ZNF827: variants seen among roughly 807,000 people sequenced by gnomAD.
ZNF827 encodes zinc finger protein 827.
Under a neutral mutation model 102.4 loss-of-function variants are expected in ZNF827, and 13 were observed. That is an observed-to-expected ratio of 0.13 (90% CI 0.08 to 0.20). The LOEUF is 0.20. Ranked by LOEUF, ZNF827 falls within the 10% of genes least tolerant of loss-of-function variation. The pLI, the probability that ZNF827 is intolerant of heterozygous loss-of-function variation, is 1.00. For missense variants in ZNF827, 1,103 were observed against 1,344.4 expected, an observed-to-expected ratio of 0.82 and a Z score of 2.81; for synonymous variants, 523 against 536.2, an observed-to-expected ratio of 0.98 and a Z score of 0.34.
intron 11 of ZNF827, among the ~76,000 whole-genome samples, chr4:145,773,707 C>T (rs1228920450): frequency 1.3e-5 from 2 of 152,220 alleles, no homozygotes; most frequent in Non-Finnish European, 2.9e-5. Context: ...GCTTAAATAA[C>T]AGGCGAGCAC....
chr4:145,773,451 A>C (rs1736590144), intron 11 of ZNF827, among the ~76,000 whole-genome samples: 1 of 152,142 alleles, frequency 6.6e-6, no homozygotes, highest in Admixed American at 6.5e-5. Flanking sequence ...TGTCAGGGAA[A>C]TTCCCCTTCC....
At chr4:145,837,203 A>T (rs926163404) in intron 7 of ZNF827, among the ~76,000 whole-genome samples, 7 of 152,194 alleles carry the variant, frequency 4.6e-5, no homozygotes, top group Non-Finnish European at 1.0e-4. Flanking sequence ...GGCTCTTAGT[A>T]TTCAGTGAAA....
At chr4:145,832,547 T>C (rs1359678403) in intron 7 of ZNF827, 1 of 152,240 alleles carries the variant, frequency 6.6e-6, no homozygotes, top group African/African-American at 2.4e-5. Context: ...AGATTCAATC[T>C]TCTTAAAAGT....
intron 1 of ZNF827, among the ~76,000 whole-genome samples, chr4:145,937,736 T>A (rs1416231779): frequency 8.6e-6 from 1 of 116,282 alleles, no homozygotes; most frequent in Non-Finnish European, 1.8e-5. Context: ...CGCCTCCTCC[T>A]GCTCCAGCCG....
intron 5 of ZNF827, among the ~76,000 whole-genome samples, chr4:145,867,084 CA>C (rs1162912649): frequency 2.0e-5 from 3 of 152,170 alleles, no homozygotes. Flanking sequence ...ATATGCTTAG[CA>C]AAAAAGTCTG....
intron 4 of ZNF827, among the ~76,000 whole-genome samples, chr4:145,878,662 A>G (rs938728329): frequency 2.0e-5 from 3 of 148,182 alleles, no homozygotes; most frequent in African/African-American, 5.0e-5. Context: ...AAGGAAAGGG[A>G]GAGAGAGAAA....
chr4:145,915,161 C>T (rs1396098050), intron 1 of ZNF827, among the ~76,000 whole-genome samples: 2 of 152,182 alleles, frequency 1.3e-5, no homozygotes, highest in African/African-American at 4.8e-5. Context: ...AAAACTCATT[C>T]TCTTGGCCGG....
At chr4:145,789,642 C>T (rs1026405627) in intron 8 of ZNF827, among the ~76,000 whole-genome samples, 1 of 152,186 alleles carries the variant, frequency 6.6e-6, no homozygotes, top group Non-Finnish European at 1.5e-5. Context: ...CTTTCCCAAA[C>T]CCGAATCTGT....
At chr4:145,772,663 C>G (rs374367141) in intron 11 of ZNF827, among the ~76,000 whole-genome samples, 1 of 152,180 alleles carries the variant, frequency 6.6e-6, no homozygotes, top group Admixed American at 6.5e-5. Context: ...CTATTTGCCC[C>G]TTTGAAAAAA....
chr4:145,830,776 C>T (rs1299956883), intron 7 of ZNF827: 1 of 152,190 alleles, frequency 6.6e-6, no homozygotes, highest in Non-Finnish European at 1.5e-5. Context: ...TGCAAACACT[C>T]TATACAGTTG....
At chr4:145,865,469 GA>G (rs1324424797) in intron 5 of ZNF827, among the ~76,000 whole-genome samples, 1 of 152,170 alleles carries the variant, frequency 6.6e-6, no homozygotes, top group Non-Finnish European at 1.5e-5. Flanking sequence ...GAGGGCTTGT[GA>G]AAACACAGAC....
intron 4 of ZNF827, among the ~76,000 whole-genome samples, chr4:145,871,577 G>A (rs1748683849): frequency 6.6e-6 from 1 of 152,164 alleles, no homozygotes; most frequent in African/African-American, 2.4e-5. Context: ...CACTGATTGT[G>A]TCCATCTTTT....
At chr4:145,839,165 G>A (rs1484712725) in intron 7 of ZNF827, 3 of 152,172 alleles carry the variant, frequency 2.0e-5, no homozygotes, top group Non-Finnish European at 2.9e-5. Flanking sequence ...TTACAGGTGG[G>A]CCAGTATGTA....
intron 5 of ZNF827, among the ~76,000 whole-genome samples, chr4:145,849,916 A>G (rs1746363317): frequency 6.6e-6 from 1 of 152,206 alleles, no homozygotes; most frequent in East Asian, 1.9e-4. Flanking sequence ...GAACTGAGAG[A>G]GGACACGGTA....
chr4:145,888,385 C>T (rs1750304830), intron 3 of ZNF827, among the ~76,000 whole-genome samples: 1 of 152,192 alleles, frequency 6.6e-6, no homozygotes, highest in Non-Finnish European at 1.5e-5. Flanking sequence ...TGAAGACATG[C>T]TTCTCTAAAG....
intron 7 of ZNF827, among the ~76,000 whole-genome samples, chr4:145,829,875 G>A (rs1361225018): frequency 6.7e-6 from 1 of 148,772 alleles, no homozygotes; most frequent in African/African-American, 2.6e-5. Context: ...AAATGCCACA[G>A]ATGTGTCAGT....
At position 145,834,427 on chromosome 4, in the gene ZNF827, C is replaced by G. The variant is rs529176135; in HGVS notation, c.2280-10902G>C. On this transcript the variant is annotated intron_variant, in intron 7 of 14. Coordinates refer to ENST00000508784, the MANE Select transcript of ZNF827 (RefSeq NM_001306215.2). ...CTCCCTTCCTCCCCAGGCTGCTCTTCGCCAGGCCGAGCTAGGTCCCAATTC... is the reference window on the plus strand; with the variant it reads ...CTCCCTTCCTCCCCAGGCTGCTCTTGGCCAGGCCGAGCTAGGTCCCAATTC... 2.0e-3 allele frequency among the ~76,000 whole-genome samples: 307 copies of G among 152,222 alleles called. 4 individuals are homozygous for G. The highest frequency in any genetic ancestry group is 6.4e-3 in the African/African-American group (265 of 41,546).
At chr4:145,899,368 C>A (rs1355084395) in intron 2 of ZNF827, among the ~76,000 whole-genome samples, 1 of 152,084 alleles carries the variant, frequency 6.6e-6, no homozygotes. Flanking sequence ...TGGAGATGAT[C>A]CACCTTTCCT....
rs76526113 is a variant in ZNF827 at position 145,938,183 on chromosome 4, C to G, written c.43+182G>C. 4.0e-3 allele frequency among the ~76,000 whole-genome samples: 611 copies of G among 152,022 alleles called. 4 individuals carry two copies. Among genetic ancestry groups the G allele is most frequent in the Non-Finnish European group, 6.7e-3 (453 of 67,964 alleles). On this transcript the variant is annotated intron_variant, in intron 1 of 14. Coordinates refer to ENST00000508784, the MANE Select transcript of ZNF827 (RefSeq NM_001306215.2). ...AGAATAGAAAGGGCACGGGGCTGATCATCACCAACATGGCTGCCTCAGCAT... is the reference window on the plus strand; with the variant it reads ...AGAATAGAAAGGGCACGGGGCTGATGATCACCAACATGGCTGCCTCAGCAT...
Sources: allele counts gnomAD v4.1 joint callset (sites outside exome capture counted in the v4.1 genomes callset), GRCh38; gene constraint gnomAD v4.1.1; transcripts MANE v1.5; gene names NCBI Gene and HGNC (gene_info 2026-07-23, HGNC 2026-07-21).